COL6A5: variants seen among roughly 807,000 people sequenced by gnomAD.
COL6A5 encodes collagen alpha-5(VI) chain.
Under a neutral mutation model 65.6 loss-of-function variants are expected in COL6A5, and 48 were observed. That is an observed-to-expected ratio of 0.73 (90% CI 0.58 to 0.93). The LOEUF (loss-of-function observed/expected upper bound fraction) is 0.93. Among genes scored for constraint, COL6A5 ranks in the 40% least tolerant of loss-of-function variants. COL6A5 has a pLI of 0.00. For synonymous variants in COL6A5, 291 were observed against 322.8 expected, an observed-to-expected ratio of 0.90 and a Z score of 1.05; for missense variants, 914 against 928.3, an observed-to-expected ratio of 0.98 and a Z score of 0.20.
intron 1 of COL6A5, among the ~76,000 whole-genome samples, chr3:130,433,144 T>C (rs1937892544): frequency 6.6e-6 from 1 of 152,150 alleles, no homozygotes; most frequent in South Asian, 2.1e-4. Context: ...CACAGAGAGT[T>C]ACAACAGATC....
intron 1 of COL6A5, among the ~76,000 whole-genome samples, chr3:130,434,102 C>G (rs532094983): frequency 6.6e-6 from 1 of 152,132 alleles, no homozygotes; most frequent in Non-Finnish European, 1.5e-5. Flanking sequence ...CCCCACCCCT[C>G]GACAGGCCCT....
intron 29 of COL6A5, among the ~76,000 whole-genome samples, 167 bp downstream of exon 29, chr3:130,424,067 G>A (rs1053116611): frequency 4.6e-5 from 7 of 152,040 alleles, no homozygotes; most frequent in Non-Finnish European, 1.0e-4. Flanking sequence ...AAAATGAGTG[G>A]ATGACATATT....
In COL6A5 at chr3:130,435,233, G is replaced by A. The variant is rs147197616; in HGVS notation, c.487+3284G>A. ...ATTGCTTGTTTTTGTTAGGTTTGTC[G>A]AAGATCAGATTGTTCTAGATGTGTG... On this transcript the variant is annotated intron_variant, in intron 1 of 7. Transcript: ENST00000512836. 8.9e-3 allele frequency among the ~76,000 whole-genome samples: 1,348 copies of A among 152,036 alleles called. 7 individuals carry two copies. Among genetic ancestry groups the A allele is most frequent in the Non-Finnish European group, 0.015 (989 of 67,938 alleles).
chr3:130,391,289 A>C, exon 7 of COL6A5: 1 of 1,551,710 alleles, frequency 6.4e-7, no homozygotes, highest in Non-Finnish European at 8.7e-7. Context: ...TTTGGTGAAG[A>C]AAGCAGATGT....
chr3:130,451,955 T>A (rs1406019932), intron 4 of COL6A5, among the ~76,000 whole-genome samples: 1 of 152,126 alleles, frequency 6.6e-6, no homozygotes, highest in Non-Finnish European at 1.5e-5. Context: ...TGGAGACCAG[T>A]TCCTTGAATG....
chr3:130,376,095 T>C (rs75943025), intron 2 of COL6A5, 142 bp from the exon 3 acceptor site: 47,141 of 767,118 alleles, frequency 0.061, 1,765 homozygotes, highest in Middle Eastern at 0.076. Context: ...TTATATTTTC[T>C]TCTGTTTGAC....
At chr3:130,417,688 A>G (rs1246009030) in intron 24 of COL6A5, among the ~76,000 whole-genome samples, 2 of 152,108 alleles carry the variant, frequency 1.3e-5, no homozygotes, top group Admixed American at 6.5e-5. Context: ...CCTCATCGGA[A>G]TCTGACTCCC....
Position 130,379,310 on chromosome 3 carries a change from A to G in COL6A5, c.668-108A>G, listed in dbSNP as rs1935903251. 5.8e-6 allele frequency: 6 copies of G among 1,033,150 alleles called. No homozygotes were observed. The African/African-American group carries it at 6.5e-5, about 11-fold the overall frequency. The allele number at this position is 1,033,150 out of a possible 1,614,324, so 64.0% of individuals were successfully genotyped here. ...AAAGAAAACGATGCTGTCTACATCC[A>G]TCATGACTACCTCTATTCTAACTAA... On this transcript the variant is annotated intron_variant and NMD_transcript_variant, in intron 3 of 41. Coordinates refer to the COL6A5 transcript ENST00000312481.
rs185719335 is a variant in COL6A5, at chr3:130,356,443, G to A, written c.-29+10462G>A. 1.1e-3 allele frequency among the ~76,000 whole-genome samples: 164 copies of A among 152,138 alleles called. 1 individual carries two copies. The highest frequency in any genetic ancestry group is 3.9e-3 in the African/African-American group (162 of 41,538). ...AGGAGCAAATATTGTTTCTTTTCTA[G>A]CATTTATTAAGCATTTCAAAAACTG... On this transcript the variant is annotated intron_variant and NMD_transcript_variant, in intron 1 of 41. Transcript: ENST00000312481.
intron 2 of COL6A5, among the ~76,000 whole-genome samples, chr3:130,374,688 A>G (rs1167990422): frequency 6.6e-6 from 1 of 152,156 alleles, no homozygotes; most frequent in Non-Finnish European, 1.5e-5. Context: ...TCCTGGGCTC[A>G]AGTGATCCTA....
chr3:130,470,063 A>G (rs1410376479), intron 6 of COL6A5, among the ~76,000 whole-genome samples: 1 of 152,060 alleles, frequency 6.6e-6, no homozygotes. Context: ...TTATAAATTA[A>G]CCTAAGTTCT....
intron 1 of COL6A5, among the ~76,000 whole-genome samples, chr3:130,366,981 C>T (rs576899982): frequency 6.6e-6 from 1 of 152,300 alleles, no homozygotes; most frequent in East Asian, 1.9e-4. Context: ...CCTGGCTCCC[C>T]AAATAGATTG....
chr3:130,391,924 C>G (rs1044169884), intron 7 of COL6A5, among the ~76,000 whole-genome samples, 170 bp downstream of exon 7: 1 of 152,132 alleles, frequency 6.6e-6, no homozygotes, highest in Non-Finnish European at 1.5e-5. Flanking sequence ...GAACAAGATC[C>G]CAAAGTTTCC....
Position 130,432,216 on chromosome 3 carries a change from C to T in COL6A5, c.487+267C>T, listed in dbSNP as rs926396231. Among the ~76,000 whole-genome samples the T allele has an allele frequency of 4.6e-5, 7 of 152,084 alleles. No individual in the cohort carries two copies. In the East Asian group the frequency reaches 1.2e-3, roughly 25 times the overall value. ...CTTTCCATATGTATTCATACATTCT[C>T]ACAGCCCTCGGAGGTCAATGCAGCT... On this transcript the variant is annotated intron_variant, in intron 1 of 7. Transcript: ENST00000512836.
intron 28 of COL6A5, among the ~76,000 whole-genome samples, chr3:130,423,476 G>A (rs1162573114): frequency 6.6e-6 from 1 of 152,116 alleles, no homozygotes; most frequent in Non-Finnish European, 1.5e-5. Flanking sequence ...TCTTATGAGT[G>A]TAGGGAATCA....
intron 20 of COL6A5, among the ~76,000 whole-genome samples, chr3:130,411,280 A>G (rs1441861164): frequency 3.9e-5 from 6 of 152,230 alleles, no homozygotes; most frequent in Non-Finnish European, 7.3e-5. Context: ...CTCCTCTCTC[A>G]TGCGCTCAGC....
intron 7 of COL6A5, among the ~76,000 whole-genome samples, 182 bp from the exon 41 acceptor site, chr3:130,483,853 T>C (rs1201018715): frequency 6.6e-6 from 1 of 152,186 alleles, no homozygotes; most frequent in Non-Finnish European, 1.5e-5. Context: ...TGATTCTCCT[T>C]ATACATTGCT....
intron 1 of COL6A5, among the ~76,000 whole-genome samples, chr3:130,357,483 C>G (rs1934962743): frequency 6.6e-6 from 1 of 152,100 alleles, no homozygotes; most frequent in Non-Finnish European, 1.5e-5. Flanking sequence ...TGATTGATAC[C>G]TGGCAAAGAT....
At chr3:130,439,463 T>C in intron 1 of COL6A5, 59 bp from the exon 34 acceptor site, 1 of 1,273,170 alleles carries the variant, frequency 7.9e-7, no homozygotes, top group Non-Finnish European at 1.1e-6. Context: ...CTTAAAGTGG[T>C]TTCCTACTAG....
Sources: gnomAD v4.1 joint callset for allele counts (sites outside exome capture counted in the v4.1 genomes callset) on GRCh38, gnomAD v4.1.1 for gene constraint, MANE v1.5 for transcripts, NCBI Gene and HGNC (gene_info 2026-07-23, HGNC 2026-07-21) for gene names.